TMEM218: variants seen among roughly 807,000 people sequenced by gnomAD.
The protein encoded by TMEM218 is transmembrane protein 218.
Under a neutral mutation model 10.0 loss-of-function variants are expected in TMEM218, and 8 were observed. The observed-to-expected ratio is 0.80, with a 90% CI of 0.47 to 1.44. TMEM218 has a LOEUF of 1.44. Ranked by LOEUF, TMEM218 falls within the 40% of genes most tolerant of loss-of-function variation. TMEM218 has a pLI of 0.00. For synonymous variants in TMEM218, 66 were observed against 63.5 expected, an observed-to-expected ratio of 1.04 and a Z score of -0.18; for missense variants, 110 against 140.1, an observed-to-expected ratio of 0.79 and a Z score of 1.08.
chr11:125,097,769 T>G (rs1264208961), intron 4 of TMEM218, 29 bp from the exon 5 acceptor site: 20 of 1,608,192 alleles, frequency 1.2e-5, no homozygotes, highest in Admixed American at 1.7e-5. Flanking sequence ...AAAATGAAAT[T>G]ACTACCAGTT....
rs1949569738 is a variant in TMEM218, at chr11:125,095,788, G to C, written c.*1818C>G. On this transcript the variant is annotated 3_prime_UTR_variant, in exon 5 of 5. Transcript: ENST00000682305. ...CTAAATAGTCACCCAAAACCTCATAGTTATTATCCATTGATCTAATAGTTG... is the reference window on the plus strand; with the variant it reads ...CTAAATAGTCACCCAAAACCTCATACTTATTATCCATTGATCTAATAGTTG... Among the ~76,000 whole-genome samples the C allele has an allele frequency of 6.6e-6, 1 of 152,110 alleles. No homozygotes were observed. Among genetic ancestry groups the C allele is most frequent in the Non-Finnish European group, 1.5e-5 (1 of 68,030 alleles).
At chr11:125,106,759 C>G (rs995517091) in intron 1 of TMEM218, among the ~76,000 whole-genome samples, 4 of 152,174 alleles carry the variant, frequency 2.6e-5, no homozygotes, top group Non-Finnish European at 4.4e-5. Context: ...TTAACCACTG[C>G]TTTGGAGACT....
At chr11:125,110,934 G>C (rs1376879012) in intron 1 of TMEM218, among the ~76,000 whole-genome samples, 1 of 147,206 alleles carries the variant, frequency 6.8e-6, no homozygotes, top group Non-Finnish European at 1.5e-5. Flanking sequence ...TTAGAATAAC[G>C]CCTCTACCTT....
intron 1 of TMEM218, chr11:125,103,050 G>C (rs1188361082): frequency 4.6e-6 from 1 of 217,656 alleles, no homozygotes; most frequent in Non-Finnish European, 9.2e-6. Context: ...GTGTCAGCAG[G>C]GCTGTGCTCC....
At chr11:125,107,561 A>C (rs1027462405) in intron 1 of TMEM218, among the ~76,000 whole-genome samples, 8 of 152,256 alleles carry the variant, frequency 5.3e-5, no homozygotes, top group Admixed American at 4.6e-4. Flanking sequence ...TATTGTTAAA[A>C]GATTATTTAT....
chr11:125,110,820 T>C (rs1953678811), intron 1 of TMEM218: 1 of 132,554 alleles, frequency 7.5e-6, no homozygotes, highest in African/African-American at 2.7e-5. Context: ...CACTTTGCTT[T>C]ATAGCTGTTT....
chr11:125,104,613 T>C (rs760504563), intron 1 of TMEM218: 24 of 152,272 alleles, frequency 1.6e-4, no homozygotes, highest in Non-Finnish European at 2.8e-4. Context: ...AGAGACCTGA[T>C]ATCTTTCTCA....
intron 2 of TMEM218, 113 bp from the exon 3 acceptor site, chr11:125,102,430 T>C: frequency 6.7e-7 from 1 of 1,495,794 alleles, no homozygotes; most frequent in Non-Finnish European, 8.8e-7. Context: ...TTTTCAGAAA[T>C]GTCCAGTCCC....
chr11:125,105,547 A>G (rs1951912790), intron 1 of TMEM218, among the ~76,000 whole-genome samples: 1 of 152,244 alleles, frequency 6.6e-6, no homozygotes, highest in Non-Finnish European at 1.5e-5. Context: ...GATTTCTGTA[A>G]TAATGACAAT....
At chr11:125,109,885 G>A (rs7125728) in intron 1 of TMEM218, among the ~76,000 whole-genome samples, 66,710 of 152,140 alleles carry the variant, frequency 0.44, 15,101 homozygotes, top group Middle Eastern at 0.53. Flanking sequence ...GCTGGCTGGC[G>A]CCATTAGAAA....
rs978778948 is a variant in TMEM218 at position 125,096,732 on chromosome 11, T to C, written c.*874A>G. On this transcript the variant is annotated 3_prime_UTR_variant, in exon 5 of 5. Transcript: ENST00000682305. ...CCAGGGCCCCTCCATTTAATGCAAA[T>C]TTCATTTGGTCTGGGAGATCAGACA... The C allele has an allele frequency of 6.6e-6, 1 of 152,120 alleles. No homozygotes were observed. Among genetic ancestry groups the C allele is most frequent in the African/African-American group, 2.4e-5 (1 of 41,408 alleles). The allele number at this position is 152,120 out of a possible 1,614,324, so 9.4% of individuals were successfully genotyped here. A position where few individuals can be genotyped will look rare whatever the true frequency, so the allele number is the denominator to read the frequency against.
In TMEM218 at chr11:125,101,213, T is replaced by C. The variant is rs369008819; in HGVS notation, c.201A>G (p.Glu67=). ...GCAACAGCTTTACCTTAACTTCCAC[T>C]TCTGGGGCTGGGAATTCACCAGCTC... ...FPRAGEFPAP[E]VEVKIVDDFF... Residue 67 remains glutamate (E), a synonymous_variant, in exon 4 of 5, where the codon GAA becomes GAG. Coordinates refer to ENST00000682305, the MANE Select transcript of TMEM218 (RefSeq NM_001258244.2). The C allele has an allele frequency of 4.3e-6, 7 of 1,613,594 alleles. No homozygotes were observed. The highest frequency in any genetic ancestry group is 5.9e-6 in the Non-Finnish European group (7 of 1,179,784).
Position 125,096,111 on chromosome 11 carries a change from G to C in TMEM218, c.*1495C>G, listed in dbSNP as rs1484496160. ...GCCAGATTAGGAAACTATTTCCTTT[G>C]AAGTTTTCTGTACAAAGCCTTATCT... is the stretch of plus-strand genomic sequence containing the variant. On this transcript the variant is annotated 3_prime_UTR_variant, in exon 5 of 5. Transcript: ENST00000682305. Among the ~76,000 whole-genome samples the C allele has an allele frequency of 3.3e-5, 5 of 152,188 alleles. No individual in the cohort carries two copies. The highest frequency in any genetic ancestry group is 2.6e-4 in the Admixed American group (4 of 15,290).
chr11:125,099,921 C>CAAAAAA (rs34211632), intron 4 of TMEM218, among the ~76,000 whole-genome samples: 12 of 100,162 alleles, frequency 1.2e-4, no homozygotes, highest in Non-Finnish European at 1.7e-4. Context: ...GAGACTGTCT[C>CAAAAAA]AAAAAAAAAA....
Position 125,102,192 on chromosome 11 carries a change from A to G in TMEM218, c.50T>C (p.Leu17Pro), listed in dbSNP as rs1221702167. The G allele has an allele frequency of 8.1e-6, 13 of 1,612,042 alleles. No homozygotes were observed. The highest frequency in any genetic ancestry group is 1.1e-5 in the Non-Finnish European group (13 of 1,179,242). ...GVGAGVFILA[L>P]LWVAVLLLCV... ...CAGCAGCAGCACTGCCACCCAGAGCAGGGCTAAGATGAACACGCCCGCACC... is the reference window on the plus strand; with the variant it reads ...CAGCAGCAGCACTGCCACCCAGAGCGGGGCTAAGATGAACACGCCCGCACC... The change falls in exon 3 of 5, where the codon CTG becomes CCG. Residue 17 changes from leucine (L) to proline (P), a missense_variant. Physicochemically the swap from Leu to Pro is moderately conservative, Grantham distance 98. Coordinates refer to ENST00000682305, the MANE Select transcript of TMEM218 (RefSeq NM_001258244.2).
intron 1 of TMEM218, among the ~76,000 whole-genome samples, chr11:125,106,211 G>GT (rs969938348): frequency 6.5e-4 from 98 of 151,894 alleles, no homozygotes; most frequent in African/African-American, 2.2e-3. Flanking sequence ...AGGAAATTCT[G>GT]TTTTTTTGTT....
intron 1 of TMEM218, chr11:125,104,161 G>C (rs1247418478): frequency 1.3e-5 from 2 of 152,256 alleles, no homozygotes; most frequent in Non-Finnish European, 2.9e-5. Flanking sequence ...GGCACATTTA[G>C]GAAAGAATCA....
chr11:125,095,829 G>A lies in TMEM218; in HGVS notation c.*1777C>T, dbSNP rs1157470915. On this transcript the variant is annotated 3_prime_UTR_variant, in exon 5 of 5. Coordinates refer to ENST00000682305, the MANE Select transcript of TMEM218 (RefSeq NM_001258244.2). ...CTAATAGTTGAATAACTTTTGGGGG[G>A]AATAAAAAAGATGGATTCATGGTCA... 1.3e-5 allele frequency among the ~76,000 whole-genome samples: 2 copies of A among 152,076 alleles called. No individual in the cohort carries two copies. Among genetic ancestry groups the A allele is most frequent in the African/African-American group, 2.4e-5 (1 of 41,390 alleles).
chr11:125,109,135 T>C (rs899608173), intron 1 of TMEM218, among the ~76,000 whole-genome samples: 1 of 152,152 alleles, frequency 6.6e-6, no homozygotes, highest in African/African-American at 2.4e-5. Flanking sequence ...ATATTCATAA[T>C]GAATACTTAA....
Sources: gnomAD v4.1 joint callset for allele counts (sites outside exome capture counted in the v4.1 genomes callset) on GRCh38, gnomAD v4.1.1 for gene constraint, MANE v1.5 for transcripts, NCBI Gene and HGNC (gene_info 2026-07-23, HGNC 2026-07-21) for gene names.